The following URB1 variants were observed in gnomAD, a reference collection of about 807,000 sequenced individuals.
The protein encoded by URB1 is nucleolar pre-ribosomal-associated protein 1.
URB1 carries 197 observed loss-of-function variants against 242.3 expected under a neutral mutation model. The observed-to-expected ratio is 0.81, with a 90% CI of 0.72 to 0.91. The LOEUF (loss-of-function observed/expected upper bound fraction) is 0.91. Ranked by LOEUF, URB1 falls within the 40% of genes least tolerant of loss-of-function variation. The pLI, the probability that URB1 is intolerant of heterozygous loss-of-function variation, is 0.00. For synonymous variants in URB1, 1,153 were observed against 1,201.8 expected (o/e 0.96, Z 0.84); for missense variants, 2,721 against 2,860.5 (o/e 0.95, Z 1.11).
chr21:32,315,257 C>CT (rs2032664384), intron 38 of URB1, among the ~76,000 whole-genome samples, 158 bp from the exon 39 acceptor site: 1 of 151,326 alleles, frequency 6.6e-6, no homozygotes, highest in South Asian at 2.1e-4. Flanking sequence ...ACAACTCACT[C>CT]TGCCTTTGCT....
At chr21:32,364,457 T>C (rs2033323166) in intron 10 of URB1, among the ~76,000 whole-genome samples, 1 of 151,980 alleles carries the variant, frequency 6.6e-6, no homozygotes, top group Non-Finnish European at 1.5e-5. Flanking sequence ...ACAAAGAGCT[T>C]TTCTGGTTTA....
At chr21:32,376,399 T>C (rs574486523) in intron 5 of URB1, among the ~76,000 whole-genome samples, 1 of 152,296 alleles carries the variant, frequency 6.6e-6, no homozygotes, top group South Asian at 2.1e-4. Context: ...ACAGAATTTC[T>C]ACAAAAGCAA....
chr21:32,311,527 T>G lies in URB1; in HGVS notation c.*3391A>C. ...CTGAGATTTCTCTAGAATGGCCACC[T>G]TTGTGAGCTGGCTGACCCTTCTCAG... On this transcript the variant is annotated 3_prime_UTR_variant, in exon 39 of 39. Coordinates refer to ENST00000382751, the MANE Select transcript of URB1 (RefSeq NM_014825.3). 1 of 1,067,482 alleles carries G rather than the reference T, an allele frequency of 9.4e-7. No homozygotes were observed. The highest frequency in any genetic ancestry group is 1.3e-6 in the Non-Finnish European group (1 of 754,928). 66.1% of individuals were successfully genotyped at this position (1,067,482 alleles called of 1,614,324 possible).
chr21:32,348,106 CGT>C (rs2033114993), intron 21 of URB1, among the ~76,000 whole-genome samples: 2 of 152,170 alleles, frequency 1.3e-5, no homozygotes, highest in African/African-American at 4.8e-5. Flanking sequence ...TTTGCGAGCA[CGT>C]GTCTGAAGAA....
chr21:32,387,307 T>G (rs2033593806), intron 1 of URB1, among the ~76,000 whole-genome samples: 1 of 152,070 alleles, frequency 6.6e-6, no homozygotes, highest in African/African-American at 2.4e-5. Context: ...TTTCAGAGAA[T>G]CACTTGAACC....
chr21:32,345,732 C>T (rs941538506), intron 22 of URB1, among the ~76,000 whole-genome samples, 157 bp from the exon 23 acceptor site: 1 of 152,188 alleles, frequency 6.6e-6, no homozygotes, highest in African/African-American at 2.4e-5. Flanking sequence ...GGAGTACTGA[C>T]ACCATGGAAA....
chr21:32,321,646 C>T (rs377220869), intron 34 of URB1, among the ~76,000 whole-genome samples, 155 bp downstream of exon 34: 42 of 152,316 alleles, frequency 2.8e-4, no homozygotes, highest in Non-Finnish European at 3.5e-4. Flanking sequence ...ACAGGACAGG[C>T]GCTCTCAACA....
intron 11 of URB1, among the ~76,000 whole-genome samples, chr21:32,362,704 C>T (rs943731352): frequency 6.6e-6 from 1 of 152,152 alleles, no homozygotes; most frequent in Non-Finnish European, 1.5e-5. Flanking sequence ...GGCCAGTTTA[C>T]AGAAGCCTGG....
At position 32,384,452 on chromosome 21, in the gene URB1, A is replaced by G; in HGVS notation, c.295T>C (p.Phe99Leu). Reference protein sequence around the residue: ...KRPESETMLIFQVFEAILLRT... With the variant: ...KRPESETMLILQVFEAILLRT... The stretch of plus-strand genomic sequence containing the variant: ...AATAATATGGCCTCGAAAACTTGAA[A>G]TATTAACATCGTCTGCAAAGACAGA... The change falls in exon 3 of 39, where the codon TTT becomes CTT. Residue 99 changes from phenylalanine to leucine, a missense_variant. Phe to Leu is a conservative substitution (Grantham distance 22). Coordinates refer to ENST00000382751, the MANE Select transcript of URB1 (RefSeq NM_014825.3). 1.3e-6 allele frequency: 2 copies of G among 1,551,048 alleles called. No homozygotes were observed. The highest frequency in any genetic ancestry group is 1.7e-6 in the Non-Finnish European group (2 of 1,146,302).
chr21:32,373,549 G>C, intron 7 of URB1, 98 bp downstream of exon 7: 1 of 1,299,270 alleles, frequency 7.7e-7, no homozygotes. Context: ...CAAATGAGGG[G>C]ACTTCAAGTC....
In URB1 at chr21:32,319,365, G is replaced by A; in HGVS notation, c.5644C>T (p.Leu1882=). The change falls in exon 36 of 39, where the codon CTG becomes TTG. Residue 1882 remains leucine, a synonymous_variant. Transcript: ENST00000382751. The part of the protein sequence containing the change: ...LSNVISLLHT[L]WVTNLGDKAV... ...TTGTCCCCCAGGTTGGTCACCCACAGTGTGTGTAGCAAGGAGATCACATTA... is the reference window on the plus strand; with the variant it reads ...TTGTCCCCCAGGTTGGTCACCCACAATGTGTGTAGCAAGGAGATCACATTA... 1 of 1,550,136 alleles carries A rather than the reference G, an allele frequency of 6.5e-7. No individual in the cohort carries two copies. The highest frequency in any genetic ancestry group is 8.7e-7 in the Non-Finnish European group (1 of 1,146,462).
rs1437540125 is a variant in URB1, at chr21:32,320,620, T to C, written c.5505A>G (p.Leu1835=). 8.4e-6 allele frequency: 13 copies of C among 1,551,708 alleles called. No individual in the cohort carries two copies. Among genetic ancestry groups the C allele is most frequent in the East Asian group, 2.4e-5 (1 of 40,922 alleles). The change falls in exon 35 of 39, where the codon CTA becomes CTG. Residue 1835 remains leucine (L), a synonymous_variant. Coordinates refer to ENST00000382751, the MANE Select transcript of URB1 (RefSeq NM_014825.3). ...ATCTGGCAACCTGGGCAGCATTCTGTAGAATTTCCAGAATCCAATTCTGAA... is the reference window on the plus strand; with the variant it reads ...ATCTGGCAACCTGGGCAGCATTCTGCAGAATTTCCAGAATCCAATTCTGAA... ...EAAQNWILEI[L]QNAAQVARSA... is the part of the protein sequence containing the mutation.
intron 3 of URB1, 138 bp from the exon 4 acceptor site, chr21:32,383,692 C>T: frequency 1.0e-6 from 1 of 985,028 alleles, no homozygotes; most frequent in South Asian, 2.8e-5. Flanking sequence ...AAGACATGCT[C>T]TTTTTTTAAG....
intron 2 of URB1, among the ~76,000 whole-genome samples, chr21:32,384,892 A>G (rs2033565388): frequency 6.6e-6 from 1 of 152,146 alleles, no homozygotes; most frequent in Admixed American, 6.5e-5. Flanking sequence ...GAGGCAGGAG[A>G]ATGGCATGAA....
rs79126334 is a variant in URB1, at chr21:32,311,711, C to T, written c.*3207G>A. 6.2e-7 allele frequency: 1 copy of T among 1,613,870 alleles called. No individual in the cohort carries two copies. The highest frequency in any genetic ancestry group is 1.3e-5 in the African/African-American group (1 of 74,924). On this transcript the variant is annotated 3_prime_UTR_variant, in exon 39 of 39. Coordinates refer to ENST00000382751, the MANE Select transcript of URB1 (RefSeq NM_014825.3). ...ACAGCCCCAAGCACCACCAAACATG[C>T]CCCTGGAGTCACGGCCTCAACCTCC...
At chr21:32,325,170 A>G in intron 31 of URB1, 59 bp downstream of exon 31, 1 of 1,497,694 alleles carries the variant, frequency 6.7e-7, no homozygotes, top group Non-Finnish European at 9.0e-7. Flanking sequence ...GTGGACAGCC[A>G]GCTCTCTGAA....
In URB1 at chr21:32,325,355, T is replaced by C. The variant is rs190615535; in HGVS notation, c.4995A>G (p.Ser1665=). 86 of 1,551,224 alleles carry C rather than the reference T, an allele frequency of 5.5e-5. No individual in the cohort carries two copies. In the Middle Eastern group the frequency reaches 1.2e-3, roughly 21 times the overall value. ...FVVDCRKFLD[S]NALGLTVTAL... ...CTGTGACAGTTAGGCCCAGAGCATT[T>C]GAATCCAAAAATTTTCGACAATCCA... Residue 1665 remains serine, a synonymous_variant, in exon 31 of 39, where the codon TCA becomes TCG. Transcript: ENST00000382751.
chr21:32,323,524 G>A (rs1010792480), intron 32 of URB1, among the ~76,000 whole-genome samples: 3 of 152,186 alleles, frequency 2.0e-5, no homozygotes, highest in Non-Finnish European at 2.9e-5. Flanking sequence ...TTCTAACAGC[G>A]TGGATTACAC....
chr21:32,373,618 G>A, intron 7 of URB1, 29 bp downstream of exon 7: 1 of 1,523,114 alleles, frequency 6.6e-7, no homozygotes, highest in Non-Finnish European at 8.8e-7. Context: ...CCAACAACGA[G>A]GTCAACGAAA....
Sources: allele counts gnomAD v4.1 joint callset (sites outside exome capture counted in the v4.1 genomes callset), GRCh38; gene constraint gnomAD v4.1.1; transcripts MANE v1.5; gene names NCBI Gene and HGNC (gene_info 2026-07-23, HGNC 2026-07-21).